FGF23: variants seen among roughly 807,000 people sequenced by gnomAD.
The protein encoded by FGF23 is fibroblast growth factor 23, also known as phosphatonin.
FGF23 carries 8 observed loss-of-function variants against 9.0 expected under a neutral mutation model. That is an observed-to-expected ratio of 0.89 (90% CI 0.52 to 1.60). FGF23 has a LOEUF of 1.60. FGF23 is among the 40% of genes most tolerant of loss of function. The probability of loss-of-function intolerance (pLI) is 0.00; values close to 1 mark genes in which losing one functional copy is unlikely to be tolerated. For missense variants in FGF23, 311 were observed against 344.3 expected, an observed-to-expected ratio of 0.90 and a Z score of 0.77; for synonymous variants, 118 against 146.2, an observed-to-expected ratio of 0.81 and a Z score of 1.39.
At chr12:4,370,843 GCTCCTC>G in intron 2 of FGF23, 60 bp from the exon 3 acceptor site, 1 of 1,411,344 alleles carries the variant, frequency 7.1e-7, no homozygotes, top group Non-Finnish European at 1.0e-6. Flanking sequence ...CCACTCCCCA[GCTCCTC>G]CTGGGGCCAC....
At position 4,372,642 on chromosome 12, in the gene FGF23, C is replaced by T; in HGVS notation, c.267G>A (p.Met89Ile). 6.2e-7 allele frequency: 1 copy of T among 1,613,858 alleles called. No homozygotes were observed. Among genetic ancestry groups the T allele is most frequent in the Non-Finnish European group, 8.5e-7 (1 of 1,179,772 alleles). Reference sequence around the variant, plus strand: ...AATCCATGCAGAGGTATCTTCTGCTCATCACACCTGTAATCACCACAAAGC... The same window carrying T: ...AATCCATGCAGAGGTATCTTCTGCTTATCACACCTGTAATCACCACAAAGC... The part of the protein sequence containing the change: ...DAGFVVITGV[M>I]SRRYLCMDFR... The change falls in exon 2 of 3, where the codon ATG (methionine) becomes ATA (isoleucine). Residue 89 changes from methionine (M) to isoleucine (I), a missense_variant. Physicochemically the swap from Met to Ile is conservative, Grantham distance 10. Coordinates refer to ENST00000237837, the MANE Select transcript of FGF23 (RefSeq NM_020638.3).
In FGF23 at chr12:4,370,620, C is replaced by T. The variant is rs575204793; in HGVS notation, c.479G>A (p.Arg160Gln). Residue 160 changes from arginine to glutamine, a missense_variant, in exon 3 of 3, where the codon CGG becomes CAG. Physicochemically the swap from Arg to Gln is conservative, Grantham distance 43 (BLOSUM62 1). This residue lies in a region of FGF23 where 206 missense variants were observed against 219.2 expected (regional missense o/e 0.94). Transcript: ENST00000237837. ...GTGAATTAGGGGGATCTCGTTCCTC[C>T]GGGACAGGAACTGGGAGTACGGGGG... Reference protein sequence around the residue: ...NPPPYSQFLSRRNEIPLIHFN... With the variant: ...NPPPYSQFLSQRNEIPLIHFN... The T allele has an allele frequency of 2.5e-6, 4 of 1,614,052 alleles. No homozygotes were observed. Among genetic ancestry groups the T allele is most frequent in the East Asian group, 2.2e-5 (1 of 44,860 alleles).
In FGF23 at chr12:4,369,937, C is replaced by T. The variant is rs1339629387; in HGVS notation, c.*406G>A. 4.3e-6 allele frequency: 1 copy of T among 230,226 alleles called. No homozygotes were observed. Among genetic ancestry groups the T allele is most frequent in the African/African-American group, 2.4e-5 (1 of 41,806 alleles). 14.3% of individuals were successfully genotyped at this position (230,226 alleles called of 1,614,324 possible). On this transcript the variant is annotated 3_prime_UTR_variant, in exon 3 of 3. Coordinates refer to ENST00000237837, the MANE Select transcript of FGF23 (RefSeq NM_020638.3). ...GGGATCTCCGATTTCCTCTTCCCTA[C>T]ACCTTCAAAGTCTTGAGCTCAGGAA...
chr12:4,376,122 G>A (rs545697800), intron 1 of FGF23, among the ~76,000 whole-genome samples: 240 of 152,282 alleles, frequency 1.6e-3, no homozygotes, highest in African/African-American at 5.4e-3. Context: ...CTCTCTTGCT[G>A]TTTCCATATA....
intron 1 of FGF23, among the ~76,000 whole-genome samples, chr12:4,378,480 A>T (rs1865142720): frequency 1.3e-5 from 2 of 152,300 alleles, no homozygotes; most frequent in Non-Finnish European, 2.9e-5. Flanking sequence ...ATTACCCCTT[A>T]TATAGGTGCA....
intron 1 of FGF23, among the ~76,000 whole-genome samples, chr12:4,377,482 G>A (rs1865130214): frequency 7.8e-6 from 1 of 127,754 alleles, no homozygotes; most frequent in African/African-American, 3.0e-5. Context: ...CCAGGCTGGA[G>A]TGCAGTGGCG....
At chr12:4,378,751 TGGATGGA>T (rs1865145602) in intron 1 of FGF23, among the ~76,000 whole-genome samples, 1 of 151,814 alleles carries the variant, frequency 6.6e-6, no homozygotes, top group African/African-American at 2.4e-5. Context: ...GATGGATGGA[TGGATGGA>T]TGGATGGATG....
intron 1 of FGF23, among the ~76,000 whole-genome samples, chr12:4,379,087 G>A (rs1865149012): frequency 6.6e-6 from 1 of 152,062 alleles, no homozygotes; most frequent in South Asian, 2.1e-4. Context: ...AAGGGAACAT[G>A]GCTCCTACTG....
At chr12:4,370,833 C>CTGG in intron 2 of FGF23, 50 bp from the exon 3 acceptor site, 1 of 1,511,514 alleles carries the variant, frequency 6.6e-7, no homozygotes, top group Non-Finnish European at 9.2e-7. Context: ...GGGGCCCCAC[C>CTGG]CACTCCCCAG....
Position 4,372,578 on chromosome 12 carries a change from CA to C in FGF23, c.315+15del, listed in dbSNP as rs771309899. The C allele has an allele frequency of 3.3e-6, 5 of 1,509,666 alleles. No homozygotes were observed. In the African/African-American group the frequency reaches 5.5e-5, roughly 17 times the overall value. The allele number at this position is 1,509,666 out of a possible 1,614,324, so 93.5% of individuals were successfully genotyped here. A position where few individuals can be genotyped will look rare whatever the true frequency, so the allele number is the denominator to read the frequency against. On this transcript the variant is annotated intron_variant, in intron 2 of 2. Transcript: ENST00000237837. ...AATTGTTTGCAAATGGTGACCAACA[CA>C]AAAAAGAAACTCACTGATCCAAAAA...
At chr12:4,376,057 G>A (rs1865113242) in intron 1 of FGF23, among the ~76,000 whole-genome samples, 1 of 152,200 alleles carries the variant, frequency 6.6e-6, no homozygotes, top group East Asian at 1.9e-4. Context: ...GGAAGATGGA[G>A]GAAGTGAAAA....
intron 1 of FGF23, among the ~76,000 whole-genome samples, chr12:4,376,474 A>G (rs1865117206): frequency 1.3e-5 from 2 of 152,154 alleles, no homozygotes; most frequent in South Asian, 2.1e-4. Context: ...CAGACATTTA[A>G]TTAGTTGTGC....
chr12:4,374,741 C>A (rs1445760065), intron 1 of FGF23, among the ~76,000 whole-genome samples: 1 of 151,860 alleles, frequency 6.6e-6, no homozygotes, highest in Non-Finnish European at 1.5e-5. Context: ...TGAGCGGTTG[C>A]ACTCTAAGCA....
chr12:4,372,041 T>G (rs1054248004), intron 2 of FGF23, among the ~76,000 whole-genome samples: 4 of 151,088 alleles, frequency 2.6e-5, no homozygotes, highest in Non-Finnish European at 5.9e-5. Context: ...ATGGATGAAA[T>G]TGGAAACCAT....
rs112659036 is a variant in FGF23, at chr12:4,372,329, T to TA, written c.315+264dup. Among the ~76,000 whole-genome samples the TA allele has an allele frequency of 0.23, 33,152 of 144,052 alleles. 3,952 individuals are homozygous for TA. The highest frequency in any genetic ancestry group is 0.38 in the South Asian group (1,741 of 4,566). The allele number at this position is 144,052 out of a possible 152,430, so 94.5% of individuals were successfully genotyped here. A position where few individuals can be genotyped will look rare whatever the true frequency, so the allele number is the denominator to read the frequency against. On this transcript the variant is annotated intron_variant, in intron 2 of 2. Coordinates refer to ENST00000237837, the MANE Select transcript of FGF23 (RefSeq NM_020638.3). Reference sequence around the variant, plus strand: ...TACCCTAAAACTTAAAGTATAATAATAAAAAAAAAAAGTGGGTTCCAATGG... The same window carrying TA: ...TACCCTAAAACTTAAAGTATAATAATAAAAAAAAAAAAGTGGGTTCCAATGG...
chr12:4,377,033 G>A (rs1414974366), intron 1 of FGF23, among the ~76,000 whole-genome samples: 1 of 152,126 alleles, frequency 6.6e-6, no homozygotes, highest in Non-Finnish European at 1.5e-5. Context: ...TATGTCTAAG[G>A]AAACAAAATC....
At chr12:4,376,400 A>C (rs183359973) in intron 1 of FGF23, among the ~76,000 whole-genome samples, 4 of 152,362 alleles carry the variant, frequency 2.6e-5, no homozygotes, top group Admixed American at 2.6e-4. Flanking sequence ...CTCACATTTT[A>C]GGTTTCCATC....
In FGF23 at chr12:4,370,328, G is replaced by T; in HGVS notation, c.*15C>A. 1 of 1,609,968 alleles carries T rather than the reference G, an allele frequency of 6.2e-7. No individual in the cohort carries two copies. The highest frequency in any genetic ancestry group is 8.5e-7 in the Non-Finnish European group (1 of 1,177,926). The stretch of plus-strand genomic sequence containing the variant: ...TGCTGAGGGATGGGTTAAAGAGGGT[G>T]CCCTTCCAGCGACCCTAGATGAACT... On this transcript the variant is annotated 3_prime_UTR_variant, in exon 3 of 3. Coordinates refer to ENST00000237837, the MANE Select transcript of FGF23 (RefSeq NM_020638.3).
chr12:4,379,643 C>T lies in FGF23; in HGVS notation c.-61G>A. On this transcript the variant is annotated 5_prime_UTR_variant, in exon 1 of 3. Coordinates refer to ENST00000237837, the MANE Select transcript of FGF23 (RefSeq NM_020638.3). The stretch of plus-strand genomic sequence containing the variant: ...AACCTGACACTCCTGTCGGGACTCT[C>T]CTGGCCCAGGCCTTACTGGCCTTTT... 1.4e-6 allele frequency: 2 copies of T among 1,425,042 alleles called. No homozygotes were observed. The highest frequency in any genetic ancestry group is 1.2e-5 in the South Asian group (1 of 82,382). The allele number at this position is 1,425,042 out of a possible 1,614,324, so 88.3% of individuals were successfully genotyped here.
Sources: allele counts gnomAD v4.1 joint callset (sites outside exome capture counted in the v4.1 genomes callset), GRCh38; gene constraint gnomAD v4.1.1; regional missense constraint gnomAD v4.1.1; transcripts MANE v1.5; gene names NCBI Gene and HGNC (gene_info 2026-07-23, HGNC 2026-07-21).